The following ZBTB20 variants were observed in gnomAD, a reference collection of about 807,000 sequenced individuals.
The protein encoded by ZBTB20 is zinc finger and BTB domain-containing protein 20.
ZBTB20 carries 9 observed loss-of-function variants against 56.9 expected under a neutral mutation model. That is an observed-to-expected ratio of 0.16 (90% CI 0.10 to 0.28). ZBTB20 has a LOEUF of 0.28. Among genes scored for constraint, ZBTB20 ranks in the 10% least tolerant of loss-of-function variants. The pLI is 1.00. For synonymous variants in ZBTB20, 417 were observed against 420.7 expected (o/e 0.99, Z 0.11); for missense variants, 655 against 1,003.0 (o/e 0.65, Z 4.69).
intron 7 of ZBTB20, among the ~76,000 whole-genome samples, chr3:114,425,495 A>G (rs1455071887): frequency 2.0e-5 from 3 of 152,154 alleles, no homozygotes; most frequent in African/African-American, 7.2e-5. Flanking sequence ...TTACCCTAAA[A>G]CGCTCAAAAT....
At chr3:114,422,332 T>C (rs1177808497) in intron 7 of ZBTB20, among the ~76,000 whole-genome samples, 1 of 152,124 alleles carries the variant, frequency 6.6e-6, no homozygotes, top group Non-Finnish European at 1.5e-5. Flanking sequence ...TTCTCTTGTG[T>C]CAAAGATCTA....
chr3:114,647,159 C>A (rs939184338), intron 6 of ZBTB20, among the ~76,000 whole-genome samples: 1 of 152,148 alleles, frequency 6.6e-6, no homozygotes, highest in South Asian at 2.1e-4. Flanking sequence ...TGGCTTTCAT[C>A]GTGTTAACCA....
chr3:114,747,597 A>G (rs2067142590), intron 5 of ZBTB20, among the ~76,000 whole-genome samples: 1 of 152,152 alleles, frequency 6.6e-6, no homozygotes, highest in South Asian at 2.1e-4. Context: ...TCATATTTTT[A>G]AAATACAGCA....
intron 7 of ZBTB20, among the ~76,000 whole-genome samples, chr3:114,488,385 A>T (rs2042373937): frequency 6.6e-6 from 1 of 152,254 alleles, no homozygotes; most frequent in African/African-American, 2.4e-5. Context: ...TATTCTTAAA[A>T]TATTAGGGAT....
At chr3:114,798,036 G>A (rs2071436722) in intron 5 of ZBTB20, among the ~76,000 whole-genome samples, 1 of 151,852 alleles carries the variant, frequency 6.6e-6, no homozygotes, top group Non-Finnish European at 1.5e-5. Context: ...AAATATTAAA[G>A]CTTATTTCTT....
chr3:114,483,904 TTG>T (rs2041828910), intron 7 of ZBTB20, among the ~76,000 whole-genome samples: 2 of 151,698 alleles, frequency 1.3e-5, no homozygotes, highest in South Asian at 2.1e-4. Flanking sequence ...AGAAGGTCCT[TTG>T]AACTAAGGTT....
At chr3:114,642,659 C>T (rs968502149) in intron 6 of ZBTB20, among the ~76,000 whole-genome samples, 23 of 151,996 alleles carry the variant, frequency 1.5e-4, no homozygotes, top group African/African-American at 5.6e-4. Flanking sequence ...AATATTTAGC[C>T]ATAGCAAGCT....
chr3:114,645,008 T>G (rs1312646151), intron 6 of ZBTB20, among the ~76,000 whole-genome samples: 2 of 152,060 alleles, frequency 1.3e-5, no homozygotes, highest in African/African-American at 4.8e-5. Context: ...AAGGACATAC[T>G]GTAATAAATC....
chr3:114,558,204 T>C (rs1442957979), intron 6 of ZBTB20, among the ~76,000 whole-genome samples: 5 of 151,986 alleles, frequency 3.3e-5, no homozygotes, highest in Admixed American at 6.6e-5. Flanking sequence ...AGACTTTAGG[T>C]CACCTGTGAT....
rs897508602 is a variant in ZBTB20 at position 115,097,353 on chromosome 3, A to AT, written c.-702-25940dup. On this transcript the variant is annotated intron_variant, in intron 1 of 11. Transcript: ENST00000675478. ...ACCACCACGCCCAGGTAGTTTTTGT[A>AT]TTTTTTTTTTAGTAGAGATGGGGTT... 1.7e-4 allele frequency among the ~76,000 whole-genome samples: 25 copies of AT among 146,962 alleles called. No individual in the cohort carries two copies. The South Asian group carries it at 1.9e-3, about 11-fold the overall frequency.
chr3:114,808,770 C>A (rs1409518014), intron 4 of ZBTB20, among the ~76,000 whole-genome samples: 1 of 151,894 alleles, frequency 6.6e-6, no homozygotes, highest in African/African-American at 2.4e-5. Context: ...TAAATAATGA[C>A]GTGATGAGGT....
At chr3:114,651,550 TAAAAAAAA>T (rs57059379) in intron 6 of ZBTB20, among the ~76,000 whole-genome samples, 4 of 91,416 alleles carry the variant, frequency 4.4e-5, no homozygotes, top group African/African-American at 1.3e-4. Flanking sequence ...GGTTGGATAG[TAAAAAAAA>T]AAAAAAAAAA....
chr3:114,545,848 T>A (rs559974516), intron 6 of ZBTB20, among the ~76,000 whole-genome samples: 7 of 152,304 alleles, frequency 4.6e-5, no homozygotes, highest in Admixed American at 3.3e-4. Flanking sequence ...GAGCAAGATA[T>A]AAAGTTTAAT....
chr3:114,795,806 T>A (rs969391898), intron 5 of ZBTB20, among the ~76,000 whole-genome samples: 1 of 152,094 alleles, frequency 6.6e-6, no homozygotes, highest in African/African-American at 2.4e-5. Flanking sequence ...GTCTAAGGGA[T>A]CATTTCTATA....
At chr3:114,520,606 T>A (rs2046531836) in intron 6 of ZBTB20, among the ~76,000 whole-genome samples, 1 of 152,166 alleles carries the variant, frequency 6.6e-6, no homozygotes, top group Admixed American at 6.6e-5. Flanking sequence ...CAGGTCTGTA[T>A]CTTGTAATGC....
chr3:114,542,346 T>C (rs1354030850), intron 6 of ZBTB20, among the ~76,000 whole-genome samples: 3 of 152,174 alleles, frequency 2.0e-5, no homozygotes, highest in Non-Finnish European at 4.4e-5. Flanking sequence ...AAATCATAAA[T>C]ATAAGAGCTT....
chr3:115,057,445 A>G (rs1342291043), intron 2 of ZBTB20, among the ~76,000 whole-genome samples: 1 of 152,158 alleles, frequency 6.6e-6, no homozygotes, highest in East Asian at 1.9e-4. Context: ...CATATATAAT[A>G]TCAAACCATT....
chr3:114,932,893 G>C (rs1410093586), intron 3 of ZBTB20, among the ~76,000 whole-genome samples: 1 of 152,146 alleles, frequency 6.6e-6, no homozygotes. Context: ...ACAATAGATT[G>C]CAGCAGAAGT....
At chr3:115,111,848 C>T (rs1241599002) in intron 1 of ZBTB20, among the ~76,000 whole-genome samples, 1 of 152,116 alleles carries the variant, frequency 6.6e-6, no homozygotes, top group Non-Finnish European at 1.5e-5. Context: ...AAAACAGATG[C>T]TGGCTGTAAA....
Sources: gnomAD v4.1 joint callset for allele counts (sites outside exome capture counted in the v4.1 genomes callset) on GRCh38, gnomAD v4.1.1 for gene constraint, MANE v1.5 for transcripts, NCBI Gene and HGNC (gene_info 2026-07-23, HGNC 2026-07-21) for gene names.